RBFOX1: variants seen among roughly 807,000 people sequenced by gnomAD.
The protein encoded by RBFOX1 is RNA binding fox-1 homolog 1.
In RBFOX1, 8 loss-of-function variants were observed where a neutral mutation model predicts 57.7. That is an observed-to-expected ratio of 0.14 (90% CI 0.08 to 0.25). The LOEUF is 0.25. RBFOX1 is among the 10% of genes least tolerant of loss of function. The probability of loss-of-function intolerance (pLI) is 1.00; values close to 1 mark genes in which losing one functional copy is unlikely to be tolerated. For synonymous variants in RBFOX1, 326 were observed against 222.4 expected (o/e 1.47, Z -4.15); for missense variants, 611 against 548.5 (o/e 1.11, Z -1.14).
At chr16:6,914,958 G>T (rs2072740875) in intron 3 of RBFOX1, among the ~76,000 whole-genome samples, 1 of 152,230 alleles carries the variant, frequency 6.6e-6, no homozygotes, top group Admixed American at 6.5e-5. Context: ...AAATCGGATA[G>T]TGCCTGCGTA....
intron 3 of RBFOX1, among the ~76,000 whole-genome samples, chr16:5,730,297 C>A (rs1233027808): frequency 6.6e-6 from 1 of 152,058 alleles, no homozygotes; most frequent in Non-Finnish European, 1.5e-5. Context: ...TGCCACAGAG[C>A]AAAGACTACA....
chr16:7,612,765 G>C (rs1016750409), intron 10 of RBFOX1, among the ~76,000 whole-genome samples: 2 of 152,014 alleles, frequency 1.3e-5, no homozygotes, highest in African/African-American at 4.8e-5. Flanking sequence ...TGTCAGCACG[G>C]GGCTGTCAAA....
intron 3 of RBFOX1, among the ~76,000 whole-genome samples, chr16:6,920,396 C>G (rs1226640407): frequency 6.6e-6 from 1 of 152,144 alleles, no homozygotes; most frequent in Non-Finnish European, 1.5e-5. Context: ...AGAGTCCTTT[C>G]TACTGTTTCT....
intron 1 of RBFOX1, among the ~76,000 whole-genome samples, chr16:6,275,787 C>T (rs2075741356): frequency 1.3e-5 from 2 of 152,232 alleles, no homozygotes; most frequent in East Asian, 1.9e-4. Flanking sequence ...ATTATTTTGT[C>T]TGCCAATTAG....
chr16:7,266,325 G>C (rs2095140840), intron 4 of RBFOX1, among the ~76,000 whole-genome samples: 1 of 151,988 alleles, frequency 6.6e-6, no homozygotes. Context: ...CCACGCTCTC[G>C]CCCTCTTGCT....
At chr16:7,419,872 T>C (rs970582933) in intron 4 of RBFOX1, among the ~76,000 whole-genome samples, 1 of 151,914 alleles carries the variant, frequency 6.6e-6, no homozygotes, top group African/African-American at 2.4e-5. Context: ...ATTATACCAC[T>C]GTATTTTAGC....
rs1472014635 is a variant in RBFOX1 at position 6,226,349 on chromosome 16, G to A, written c.-126-90646G>A. Among the ~76,000 whole-genome samples the A allele has an allele frequency of 3.6e-4, 41 of 114,136 alleles. No homozygotes were observed. The East Asian group carries it at 9.0e-3, about 25-fold the overall frequency. 74.9% of individuals were successfully genotyped at this position (114,136 alleles called of 152,430 possible). On this transcript the variant is annotated intron_variant, in intron 1 of 15. Transcript: ENST00000550418. ...AATCATGCCATTGCACTCCAGCCTC[G>A]GCAACAAGAGTGAAACTCTGTCTCC...
At chr16:7,215,803 C>T (rs2091938516) in intron 4 of RBFOX1, among the ~76,000 whole-genome samples, 1 of 149,974 alleles carries the variant, frequency 6.7e-6, no homozygotes, top group African/African-American at 2.5e-5. Context: ...CGGCTCACTG[C>T]AAGCTCTGCC....
At chr16:6,335,713 G>A (rs1423188159) in intron 2 of RBFOX1, among the ~76,000 whole-genome samples, 1 of 142,372 alleles carries the variant, frequency 7.0e-6, no homozygotes, top group Admixed American at 7.3e-5. Flanking sequence ...GGGAGCCGGA[G>A]ATTGCAGTAA....
At chr16:7,098,306 A>G (rs979789994) in intron 4 of RBFOX1, among the ~76,000 whole-genome samples, 1 of 152,146 alleles carries the variant, frequency 6.6e-6, no homozygotes, top group Non-Finnish European at 1.5e-5. Context: ...AGTAGCTGAG[A>G]TTACAGGTGT....
At chr16:6,007,196 T>A (rs2094932657) in intron 4 of RBFOX1, among the ~76,000 whole-genome samples, 1 of 152,190 alleles carries the variant, frequency 6.6e-6, no homozygotes, top group Non-Finnish European at 1.5e-5. Context: ...ATGAATTGAT[T>A]CACTTCCCAT....
chr16:7,577,300 G>C (rs1277131312), intron 5 of RBFOX1, among the ~76,000 whole-genome samples: 2 of 152,062 alleles, frequency 1.3e-5, no homozygotes, highest in Non-Finnish European at 2.9e-5. Context: ...AGTGTCCTTT[G>C]ATCTAGCCCC....
chr16:5,253,026 C>G (rs1272013935), intron 1 of RBFOX1, among the ~76,000 whole-genome samples: 1 of 152,226 alleles, frequency 6.6e-6, no homozygotes, highest in African/African-American at 2.4e-5. Context: ...GAGGGGTTCT[C>G]CTCTGAGGTG....
intron 4 of RBFOX1, among the ~76,000 whole-genome samples, chr16:7,262,147 A>C (rs1027972656): frequency 2.0e-5 from 3 of 151,712 alleles, no homozygotes; most frequent in Non-Finnish European, 4.4e-5. Flanking sequence ...GTGAAAGGTA[A>C]ATATAGTTAT....
chr16:5,253,010 C>G (rs565723775), intron 1 of RBFOX1, among the ~76,000 whole-genome samples: 1 of 152,354 alleles, frequency 6.6e-6, no homozygotes, highest in East Asian at 1.9e-4. Flanking sequence ...CCTGATTCAT[C>G]AGCGTGAGGG....
chr16:6,607,389 A>C (rs9972850), intron 2 of RBFOX1, among the ~76,000 whole-genome samples: 1 of 151,720 alleles, frequency 6.6e-6, no homozygotes, highest in Non-Finnish European at 1.5e-5. Context: ...TCCAGTTATC[A>C]TAAGCAGTTA....
chr16:6,089,462 G>A (rs755329351), intron 1 of RBFOX1, among the ~76,000 whole-genome samples: 1 of 152,106 alleles, frequency 6.6e-6, no homozygotes, highest in Non-Finnish European at 1.5e-5. Context: ...GGAAGGAGAA[G>A]AAACTGAGGT....
chr16:6,804,216 G>A (rs1401192085), intron 3 of RBFOX1, among the ~76,000 whole-genome samples: 2 of 151,974 alleles, frequency 1.3e-5, no homozygotes, highest in African/African-American at 4.8e-5. Flanking sequence ...CACTTTGTTG[G>A]CCAGGCTGGA....
At chr16:7,615,165 C>G (rs2058224823) in intron 10 of RBFOX1, among the ~76,000 whole-genome samples, 1 of 152,140 alleles carries the variant, frequency 6.6e-6, no homozygotes, top group African/African-American at 2.4e-5. Flanking sequence ...AACCCCATCT[C>G]TACTAAAAAT....
Sources: gnomAD v4.1 joint callset for allele counts (sites outside exome capture counted in the v4.1 genomes callset) on GRCh38, gnomAD v4.1.1 for gene constraint, MANE v1.5 for transcripts, NCBI Gene and HGNC (gene_info 2026-07-23, HGNC 2026-07-21) for gene names.